The following NKAIN2 variants were observed in gnomAD, a reference collection of about 807,000 sequenced individuals.
NKAIN2 encodes the protein sodium/potassium transporting ATPase interacting 2.
Under a neutral mutation model 32.6 loss-of-function variants are expected in NKAIN2, and 14 were observed. That is an observed-to-expected ratio of 0.43 (90% confidence interval 0.28 to 0.67). The LOEUF is 0.67. Ranked by LOEUF, NKAIN2 falls within the 30% of genes least tolerant of loss-of-function variation. The pLI is 0.17. For synonymous variants in NKAIN2, 80 were observed against 87.2 expected (o/e 0.92, Z 0.46); for missense variants, 198 against 258.3 (o/e 0.77, Z 1.60).
rs934444222 is a variant in NKAIN2, at chr6:124,313,931, C to T, written c.192+30789C>T. On this transcript the variant is annotated intron_variant, in intron 2 of 6. Transcript: ENST00000368417. ...CAAAAATGCCCTATTGAATAAGTTG[C>T]CGGGCTCTCTTTGTGATTATCTCAG... 2.0e-5 allele frequency among the ~76,000 whole-genome samples: 3 copies of T among 152,224 alleles called. No individual in the cohort carries two copies. In the East Asian group the frequency reaches 5.8e-4, roughly 30 times the overall value.
chr6:123,833,245 A>G (rs1774460375), intron 1 of NKAIN2, among the ~76,000 whole-genome samples: 1 of 152,196 alleles, frequency 6.6e-6, no homozygotes, highest in Non-Finnish European at 1.5e-5. Context: ...ATCAAAAATC[A>G]TTGACTATAT....
At chr6:124,421,075 A>T (rs760977283) in intron 3 of NKAIN2, among the ~76,000 whole-genome samples, 6 of 8,560 alleles carry the variant, frequency 7.0e-4, no homozygotes, top group Non-Finnish European at 1.0e-3. Flanking sequence ...TGTCAAAATT[A>T]AAAAAAAAAA....
chr6:124,820,626 C>T (rs868714043), intron 6 of NKAIN2, among the ~76,000 whole-genome samples: 3 of 152,128 alleles, frequency 2.0e-5, no homozygotes, highest in African/African-American at 7.2e-5. Flanking sequence ...TATATAACAG[C>T]GGTCCCCTGG....
At chr6:124,386,353 A>G (rs567307221) in intron 3 of NKAIN2, among the ~76,000 whole-genome samples, 1 of 152,290 alleles carries the variant, frequency 6.6e-6, no homozygotes, top group East Asian at 1.9e-4. Flanking sequence ...TGAGCATCCC[A>G]TAAAACCGTT....
At chr6:124,425,553 A>T (rs1410567963) in intron 3 of NKAIN2, among the ~76,000 whole-genome samples, 1 of 152,136 alleles carries the variant, frequency 6.6e-6, no homozygotes, top group African/African-American at 2.4e-5. Context: ...TATATCTGAT[A>T]GGGGTTTAAT....
intron 3 of NKAIN2, among the ~76,000 whole-genome samples, chr6:124,421,094 A>C (rs1364604490): frequency 6.8e-6 from 1 of 147,224 alleles, no homozygotes; most frequent in Non-Finnish European, 1.5e-5. Flanking sequence ...AAAAAAAAAA[A>C]CATGTTTTCT....
chr6:124,406,476 G>T (rs1249723338), intron 3 of NKAIN2, among the ~76,000 whole-genome samples: 2 of 152,020 alleles, frequency 1.3e-5, no homozygotes, highest in Non-Finnish European at 2.9e-5. Flanking sequence ...CTACTGATGG[G>T]CATTCAGGTT....
intron 1 of NKAIN2, among the ~76,000 whole-genome samples, chr6:123,968,257 G>A (rs1259361681): frequency 6.6e-6 from 1 of 152,158 alleles, no homozygotes; most frequent in Non-Finnish European, 1.5e-5. Flanking sequence ...GAAAGAGGTG[G>A]GCCAGGGGGA....
intron 3 of NKAIN2, among the ~76,000 whole-genome samples, chr6:124,532,866 G>C (rs550595924): frequency 6.6e-6 from 1 of 152,190 alleles, no homozygotes; most frequent in East Asian, 1.9e-4. Context: ...TCCTCACCTG[G>C]GTGTTTTAAG....
At chr6:124,076,496 A>C (rs1369509239) in intron 1 of NKAIN2, among the ~76,000 whole-genome samples, 1 of 152,240 alleles carries the variant, frequency 6.6e-6, no homozygotes, top group Non-Finnish European at 1.5e-5. Context: ...ATTACTAAAC[A>C]AAAGATAAGA....
At chr6:124,724,596 A>T (rs1296014434) in intron 4 of NKAIN2, among the ~76,000 whole-genome samples, 3 of 152,190 alleles carry the variant, frequency 2.0e-5, no homozygotes, top group African/African-American at 7.2e-5. Flanking sequence ...TACATAGATA[A>T]TCTCCTAGAA....
At chr6:124,636,131 C>T (rs1783764279) in intron 3 of NKAIN2, among the ~76,000 whole-genome samples, 1 of 149,512 alleles carries the variant, frequency 6.7e-6, no homozygotes, top group African/African-American at 2.5e-5. Flanking sequence ...AAATAAATAA[C>T]AAAAAAAAGG....
intron 1 of NKAIN2, among the ~76,000 whole-genome samples, chr6:123,823,002 AT>A (rs1773990414): frequency 1.2e-5 from 1 of 84,412 alleles, no homozygotes; most frequent in Non-Finnish European, 1.9e-5. Flanking sequence ...TAAATTCCTT[AT>A]TATATGTTCA....
intron 3 of NKAIN2, among the ~76,000 whole-genome samples, chr6:124,463,844 T>G (rs929699676): frequency 3.3e-5 from 5 of 152,172 alleles, no homozygotes; most frequent in African/African-American, 4.8e-5. Flanking sequence ...GTAGTCATTT[T>G]TTATTGTGCT....
At chr6:123,813,526 A>G (rs1773565223) in intron 1 of NKAIN2, among the ~76,000 whole-genome samples, 1 of 152,096 alleles carries the variant, frequency 6.6e-6, no homozygotes, top group Non-Finnish European at 1.5e-5. Context: ...ACTATTGTAG[A>G]TTTGGCCAGG....
At chr6:124,367,897 C>G (rs975329661) in intron 3 of NKAIN2, among the ~76,000 whole-genome samples, 1 of 152,036 alleles carries the variant, frequency 6.6e-6, no homozygotes, top group African/African-American at 2.4e-5. Flanking sequence ...CCAATTATTT[C>G]AAGGTTTTCA....
intron 1 of NKAIN2, among the ~76,000 whole-genome samples, chr6:123,995,005 C>T (rs974163386): frequency 4.6e-5 from 7 of 152,050 alleles, no homozygotes; most frequent in Non-Finnish European, 8.8e-5. Context: ...GGTAAAGCAA[C>T]GTTAAATTCT....
intron 3 of NKAIN2, among the ~76,000 whole-genome samples, chr6:124,483,442 A>G (rs1025525615): frequency 6.6e-6 from 1 of 152,232 alleles, no homozygotes; most frequent in Non-Finnish European, 1.5e-5. Context: ...ATTATAGCTC[A>G]TGTTTACAAC....
intron 3 of NKAIN2, among the ~76,000 whole-genome samples, chr6:124,477,235 A>G (rs544023871): frequency 1.3e-5 from 2 of 152,276 alleles, no homozygotes; most frequent in South Asian, 2.1e-4. Context: ...ATGAAGTAGA[A>G]ATATTCTTAA....
Sources: gnomAD v4.1 joint callset for allele counts (sites outside exome capture counted in the v4.1 genomes callset) on GRCh38, gnomAD v4.1.1 for gene constraint, MANE v1.5 for transcripts, NCBI Gene and HGNC (gene_info 2026-07-23, HGNC 2026-07-21) for gene names.